The following ITSN2 variants were observed in gnomAD, a reference collection of about 807,000 sequenced individuals.
The protein encoded by ITSN2 is intersectin 2.
A neutral mutation model predicts 243.7 loss-of-function variants in ITSN2; 156 were observed. The ratio of observed to expected loss-of-function variants is 0.64; its 90% confidence interval spans 0.56 to 0.73. ITSN2 has a LOEUF of 0.73. Among genes scored for constraint, ITSN2 ranks in the 30% least tolerant of loss-of-function variants. ITSN2 has a pLI of 0.00. For missense variants in ITSN2, 1,801 were observed against 1,996.1 expected (o/e 0.90, Z 1.86); for synonymous variants, 703 against 699.9 (o/e 1.00, Z -0.07).
intron 14 of ITSN2, 119 bp from the exon 15 acceptor site, chr2:24,293,894 A>C (rs180805150): frequency 3.6e-5 from 15 of 412,230 alleles, no homozygotes; most frequent in Non-Finnish European, 6.1e-5. Context: ...AATAATACAT[A>C]GTTGTAAACT....
rs747466536 is a variant in ITSN2, at chr2:24,293,763, T to G, written c.1648A>C (p.Lys550Gln). The change falls in exon 15 of 40, where the codon AAG becomes CAG. Residue 550 changes from lysine (K) to glutamine (Q), a missense_variant. By Grantham distance (53) the Lys-to-Gln change is moderately conservative. Coordinates refer to ENST00000355123, the MANE Select transcript of ITSN2 (RefSeq NM_006277.3). The part of the protein sequence containing the change: ...LQQELQEYQN[K>Q]LIYLVPEKQL... ...TTCTCAGGTACCAGATAGATAAGCTTATTCTGATATTCCTTATAAAAAGAA... is the reference window on the plus strand; with the variant it reads ...TTCTCAGGTACCAGATAGATAAGCTGATTCTGATATTCCTTATAAAAAGAA... The G allele has an allele frequency of 9.1e-6, 9 of 988,488 alleles. No individual in the cohort carries two copies. The highest frequency in any genetic ancestry group is 1.4e-5 in the Non-Finnish European group (9 of 659,182). 61.2% of individuals were successfully genotyped at this position (988,488 alleles called of 1,614,324 possible).
chr2:24,282,506 C>T (rs533161873), intron 17 of ITSN2, among the ~76,000 whole-genome samples: 1 of 152,200 alleles, frequency 6.6e-6, no homozygotes, highest in African/African-American at 2.4e-5. Context: ...ACAGAAATCC[C>T]TCTGTTCTGT....
rs1041244071 is a variant in ITSN2, at chr2:24,279,978, C to T, written c.1945-4129G>A. 2.3e-3 allele frequency among the ~76,000 whole-genome samples: 342 copies of T among 151,876 alleles called. 9 individuals carry two copies. The highest frequency in any genetic ancestry group is 4.4e-4 in the Non-Finnish European group (30 of 67,930). On this transcript the variant is annotated intron_variant, in intron 17 of 39. Coordinates refer to ENST00000355123, the MANE Select transcript of ITSN2 (RefSeq NM_006277.3). ...CGAACTCCTGATCTCATGATCCACCCGCCTCAGCCTCCCAAAGTGCTGGGA... is the reference window on the plus strand; with the variant it reads ...CGAACTCCTGATCTCATGATCCACCTGCCTCAGCCTCCCAAAGTGCTGGGA...
rs1332746726 is a variant in ITSN2 at position 24,302,082 on chromosome 2, C to T, written c.878G>A (p.Gly293Asp). ...ATIWTLADVD[G>D]DGQLKAEEFI... ...CTCTTCTGCTTTTAGCTGTCCATCA[C>T]CATCAACGTCAGCCAGAGTCCTAAA... Residue 293 changes from glycine (G) to aspartate (D), a missense_variant, in exon 10 of 40, where the codon GGT becomes GAT. Coordinates refer to ENST00000355123, the MANE Select transcript of ITSN2 (RefSeq NM_006277.3). 2.5e-6 allele frequency: 4 copies of T among 1,609,664 alleles called. No individual in the cohort carries two copies. The highest frequency in any genetic ancestry group is 2.5e-6 in the Non-Finnish European group (3 of 1,177,674).
intron 23 of ITSN2, among the ~76,000 whole-genome samples, chr2:24,256,132 G>A (rs192214350): frequency 6.6e-6 from 1 of 152,224 alleles, no homozygotes; most frequent in Non-Finnish European, 1.5e-5. Context: ...GCTGAGGCAG[G>A]AGAATTGCTT....
At chr2:24,323,046 A>T (rs1259613918) in intron 2 of ITSN2, among the ~76,000 whole-genome samples, 2 of 143,560 alleles carry the variant, frequency 1.4e-5, no homozygotes, top group Non-Finnish European at 3.0e-5. Flanking sequence ...TCTGAAAATT[A>T]AAAAAAAAAA....
chr2:24,224,011 T>TA (rs201219634), intron 29 of ITSN2, among the ~76,000 whole-genome samples: 3,062 of 152,070 alleles, frequency 0.02, 110 homozygotes, highest in African/African-American at 0.07. Flanking sequence ...AACTGAGTGT[T>TA]AAAAAAAATC....
chr2:24,217,961 G>A lies in ITSN2; in HGVS notation c.3752C>T (p.Ala1251Val). The A allele has an allele frequency of 6.2e-7, 1 of 1,614,050 alleles. No individual in the cohort carries two copies. The highest frequency in any genetic ancestry group is 8.5e-7 in the Non-Finnish European group (1 of 1,179,980). The part of the protein sequence containing the change: ...ESGFLTEGEM[A>V]LIFVNWKELI... ...CTCCTTCCAGTTAACAAAAATCAGGGCCATCTCCCCTTCAGTGAGAAAGCC... is the reference window on the plus strand; with the variant it reads ...CTCCTTCCAGTTAACAAAAATCAGGACCATCTCCCCTTCAGTGAGAAAGCC... The change falls in exon 31 of 40, where the codon GCC becomes GTC. Residue 1251 changes from alanine to valine, a missense_variant. This residue lies in a region of ITSN2 where 928 missense variants were observed against 1,065.4 expected (regional missense o/e 0.87). Coordinates refer to ENST00000355123, the MANE Select transcript of ITSN2 (RefSeq NM_006277.3).
intron 23 of ITSN2, among the ~76,000 whole-genome samples, chr2:24,255,862 C>T (rs982501683): frequency 2.6e-5 from 4 of 152,160 alleles, no homozygotes; most frequent in Non-Finnish European, 5.9e-5. Flanking sequence ...CCAGCCTGAC[C>T]AACATGGAGA....
At position 24,261,661 on chromosome 2, in the gene ITSN2, C is replaced by A; in HGVS notation, c.2437G>T (p.Val813Leu). Residue 813 changes from valine (V) to leucine (L), a missense_variant, in exon 21 of 40, where the codon GTA becomes TTA. Val to Leu is a conservative substitution (Grantham distance 32, BLOSUM62 1). Coordinates refer to ENST00000355123, the MANE Select transcript of ITSN2 (RefSeq NM_006277.3). The part of the protein sequence containing the change: ...GNFGWFPCNY[V>L]EKMPSSENEK... ...TTTTCACTTGATGGCATTTTTTCTA[C>A]ATAATTGCATGGAAACCAGCCAAAA... 1 of 1,613,252 alleles carries A rather than the reference C, an allele frequency of 6.2e-7. No individual in the cohort carries two copies. The highest frequency in any genetic ancestry group is 8.5e-7 in the Non-Finnish European group (1 of 1,179,366).
intron 34 of ITSN2, 109 bp from the exon 35 acceptor site, chr2:24,210,142 G>T: frequency 1.4e-6 from 1 of 724,980 alleles, no homozygotes; most frequent in Non-Finnish European, 2.3e-6. Context: ...TTTTCTAGGT[G>T]GGAATGTGGC....
At chr2:24,305,064 C>CA (rs1214702247) in intron 8 of ITSN2, among the ~76,000 whole-genome samples, 1 of 152,134 alleles carries the variant, frequency 6.6e-6, no homozygotes, top group Non-Finnish European at 1.5e-5. Context: ...TGGAGTTAGT[C>CA]ACTTTCTCAT....
chr2:24,293,739 T>C lies in ITSN2; in HGVS notation c.1672A>G (p.Lys558Glu). Residue 558 changes from lysine (K) to glutamate (E), a missense_variant, in exon 15 of 40, where the codon AAG becomes GAG. Physicochemically the swap from Lys to Glu is moderately conservative, Grantham distance 56 (BLOSUM62 1). Coordinates refer to ENST00000355123, the MANE Select transcript of ITSN2 (RefSeq NM_006277.3). ...QNKLIYLVPE[K>E]QLLNERIKNM... ...TTAATTCTTTCATTTAATAATTGCT[T>C]CTCAGGTACCAGATAGATAAGCTTA... The C allele has an allele frequency of 8.2e-7, 1 of 1,225,770 alleles. No homozygotes were observed. The highest frequency in any genetic ancestry group is 1.2e-6 in the Non-Finnish European group (1 of 868,594). 75.9% of individuals were successfully genotyped at this position (1,225,770 alleles called of 1,614,324 possible). A position where few individuals can be genotyped will look rare whatever the true frequency, so the allele number is the denominator to read the frequency against.
At position 24,261,146 on chromosome 2, in the gene ITSN2, C is replaced by T. The variant is rs376087707; in HGVS notation, c.2642G>A (p.Arg881Gln). 5.0e-6 allele frequency: 8 copies of T among 1,613,658 alleles called. No individual in the cohort carries two copies. In the African/African-American group the frequency reaches 5.3e-5, roughly 11 times the overall value. The part of the protein sequence containing the change: ...TSWQKKSAFT[R>Q]TVSPGSVSPI... The stretch of plus-strand genomic sequence containing the variant: ...TGATACAGATCCAGGGGACACAGTT[C>T]GAGTGAAGGCTGATTTTTTCTGCCA... The change falls in exon 22 of 40, where the codon CGA becomes CAA. Residue 881 changes from arginine (R) to glutamine (Q), a missense_variant. Physicochemically the swap from Arg to Gln is conservative, Grantham distance 43 (BLOSUM62 1). Transcript: ENST00000355123.
At chr2:24,320,736 CAAA>C (rs61489698) in intron 2 of ITSN2, among the ~76,000 whole-genome samples, 3 of 133,082 alleles carry the variant, frequency 2.3e-5, no homozygotes, top group Non-Finnish European at 1.6e-5. Flanking sequence ...CAACAACCAC[CAAA>C]AAAAAAAAAA....
At chr2:24,223,906 GAAAT>G (rs1411577179) in intron 29 of ITSN2, among the ~76,000 whole-genome samples, 4 of 152,028 alleles carry the variant, frequency 2.6e-5, no homozygotes, top group East Asian at 3.9e-4. Flanking sequence ...AGAAAAGAAA[GAAAT>G]AAATCATAAT....
intron 1 of ITSN2, among the ~76,000 whole-genome samples, chr2:24,337,381 C>T (rs1190326163): frequency 5.2e-5 from 5 of 96,874 alleles, no homozygotes; most frequent in South Asian, 3.3e-4. Flanking sequence ...GACAGAGTCT[C>T]GCTCTATCAC....
Position 24,226,071 on chromosome 2 carries a change from G to C in ITSN2, c.3578-5005C>G, listed in dbSNP as rs571493537. Among the ~76,000 whole-genome samples the C allele has an allele frequency of 3.1e-4, 47 of 152,162 alleles. 1 individual carries two copies. Among genetic ancestry groups the C allele is most frequent in the African/African-American group, 1.1e-3 (47 of 41,502 alleles). On this transcript the variant is annotated intron_variant, in intron 29 of 39. Coordinates refer to ENST00000355123, the MANE Select transcript of ITSN2 (RefSeq NM_006277.3). The stretch of plus-strand genomic sequence containing the variant: ...TGCTGTTGTTAATCTGTGTAGTTAC[G>C]GTGTCAGTGGCTCTGACTGCAGACC...
chr2:24,256,123 C>T (rs1392385325), intron 23 of ITSN2, among the ~76,000 whole-genome samples: 1 of 152,180 alleles, frequency 6.6e-6, no homozygotes, highest in African/African-American at 2.4e-5. Flanking sequence ...ACTTGGGAGG[C>T]TGAGGCAGGA....
Sources: gnomAD v4.1 joint callset for allele counts (sites outside exome capture counted in the v4.1 genomes callset) on GRCh38, gnomAD v4.1.1 for gene constraint, gnomAD v4.1.1 regional missense constraint, MANE v1.5 for transcripts, NCBI Gene and HGNC (gene_info 2026-07-23, HGNC 2026-07-21) for gene names.